PNPLA2: variants seen among roughly 807,000 people sequenced by gnomAD.
PNPLA2 encodes patatin-like phospholipase domain-containing protein 2.
PNPLA2 carries 28 observed loss-of-function variants against 39.7 expected under a neutral mutation model. That is an observed-to-expected ratio of 0.70 (90% CI 0.52 to 0.97). The LOEUF is 0.97. PNPLA2 is among the 50% of genes least tolerant of loss of function. The pLI is 0.00. For synonymous variants in PNPLA2, 392 were observed against 321.1 expected (o/e 1.22, Z -2.36); for missense variants, 768 against 698.2 (o/e 1.10, Z -1.13).
rs1590175083 is a variant in PNPLA2 at position 821,427 on chromosome 11, G to T, written c.188-201G>T. The T allele has an allele frequency of 6.4e-6, 4 of 620,450 alleles. No homozygotes were observed. In the East Asian group the frequency reaches 8.2e-5, roughly 13 times the overall value. 38.4% of individuals were successfully genotyped at this position (620,450 alleles called of 1,614,324 possible). A position where few individuals can be genotyped will look rare whatever the true frequency, so the allele number is the denominator to read the frequency against. On this transcript the variant is annotated intron_variant, in intron 2 of 9. Transcript: ENST00000336615. ...TTGGGAAATACCAGGCAGAGGGCAG[G>T]TCCTGGTCTCAGCTGGCCAGCCTCT...
rs1280103738 is a variant in PNPLA2 at position 823,587 on chromosome 11, G to C, written c.757G>C (p.Gly253Arg). ...RDGLRFLQRN[G>R]LLNRPNPLLA... ...TGGCCTGCGCTTTCTGCAGCGGAAC[G>C]GTGCGCGGACCCGGGCGGGAGAGGG... The change falls in exon 6 of 10, where the codon GGC (glycine) becomes CGC (arginine). Residue 253 changes from glycine (G) to arginine (R), a missense_variant and splice_region_variant. By Grantham distance (125) the Gly-to-Arg change is moderately radical. Coordinates refer to ENST00000336615, the MANE Select transcript of PNPLA2 (RefSeq NM_020376.4). The C allele has an allele frequency of 6.2e-7, 1 of 1,610,374 alleles. No individual in the cohort carries two copies. Among genetic ancestry groups the C allele is most frequent in the Non-Finnish European group, 8.5e-7 (1 of 1,178,806 alleles).
At chr11:824,160 C>T (rs1325846873) in intron 8 of PNPLA2, 30 bp downstream of exon 8, 2 of 1,577,790 alleles carry the variant, frequency 1.3e-6, no homozygotes, top group Non-Finnish European at 1.7e-6. Context: ...GGGAGAGGGG[C>T]CCAGGGGACG....
At chr11:821,200 C>G (rs1280496466) in intron 2 of PNPLA2, 1 of 268,320 alleles carries the variant, frequency 3.7e-6, no homozygotes, top group African/African-American at 2.2e-5. Context: ...GAACTGGGCC[C>G]TGACTACTTC....
Position 822,498 on chromosome 11 carries a change from G to C in PNPLA2, c.588G>C (p.Gln196His). ...PFSGESDICP[Q>H]DSSTNIHELR... is the part of the protein sequence containing the mutation. ...CGGGCGAGAGTGACATCTGTCCGCAGGACAGCTCCACCAACATCCACGAGC... is the reference window on the plus strand; with the variant it reads ...CGGGCGAGAGTGACATCTGTCCGCACGACAGCTCCACCAACATCCACGAGC... The change falls in exon 5 of 10, where the codon CAG (glutamine) becomes CAC (histidine). Residue 196 changes from glutamine (Q) to histidine (H), a missense_variant. Gln to His is a conservative substitution (Grantham distance 24, BLOSUM62 0). Transcript: ENST00000336615. The C allele has an allele frequency of 6.2e-7, 1 of 1,614,088 alleles. No homozygotes were observed. Among genetic ancestry groups the C allele is most frequent in the Non-Finnish European group, 8.5e-7 (1 of 1,179,998 alleles).
chr11:823,728 G>GGCCCCCCC lies in PNPLA2; in HGVS notation c.792_793insGCCCCCCC (p.Pro265AlafsTer58). ...ACCGGCCCAACCCCTTGCTGGCGTT[G>GGCCCCCCC]CCCCCCGCCCGCCCCCACGGCCCAG... On this transcript the variant is annotated frameshift_variant, in exon 7 of 10. Coordinates refer to ENST00000336615, the MANE Select transcript of PNPLA2 (RefSeq NM_020376.4). LOFTEE classifies it high-confidence loss of function. 5 of 1,597,120 alleles carry GGCCCCCCC rather than the reference G, an allele frequency of 3.1e-6. No individual in the cohort carries two copies. Among genetic ancestry groups the GGCCCCCCC allele is most frequent in the Non-Finnish European group, 4.3e-6 (5 of 1,168,704 alleles).
Position 821,818 on chromosome 11 carries a change from T to C in PNPLA2, c.378T>C (p.Asn126=), listed in dbSNP as rs1386170962. The change falls in exon 3 of 10, where the codon AAT becomes AAC. Residue 126 remains asparagine, a synonymous_variant. Coordinates refer to ENST00000336615, the MANE Select transcript of PNPLA2 (RefSeq NM_020376.4). ...ISLTRVSDGE[N]VIISHFNSKD... ...TGACCCGCGTGTCAGACGGCGAGAA[T>C]GTCATTATATCCCACTTCAACTCCA... The C allele has an allele frequency of 6.2e-7, 1 of 1,613,872 alleles. No individual in the cohort carries two copies. Among genetic ancestry groups the C allele is most frequent in the Non-Finnish European group, 8.5e-7 (1 of 1,180,004 alleles).
At chr11:823,223 A>G (rs1280437352) in intron 5 of PNPLA2, among the ~76,000 whole-genome samples, 3 of 151,548 alleles carry the variant, frequency 2.0e-5, no homozygotes. Context: ...ACGCCTGGCT[A>G]ATTTTTTGTA....
In PNPLA2 at chr11:824,812, A is replaced by G. The variant is rs2133852474; in HGVS notation, c.1465A>G (p.Ser489Gly). The change falls in exon 10 of 10, where the codon AGC becomes GGC. Residue 489 changes from serine to glycine, a missense_variant. Physicochemically the swap from Ser to Gly is moderately conservative, Grantham distance 56. Transcript: ENST00000336615. Reference protein sequence around the residue: ...HQLAGPAPLLSTPAPEARPVI... With the variant: ...HQLAGPAPLLGTPAPEARPVI... ...GCTGGCCGGGCCTGCCCCCTTGCTG[A>G]GCACCCCTGCTCCCGAGGCCCGGCC... 2 of 1,534,334 alleles carry G rather than the reference A, an allele frequency of 1.3e-6. No individual in the cohort carries two copies. The highest frequency in any genetic ancestry group is 2.4e-5 in the South Asian group (2 of 84,008).
intron 2 of PNPLA2, among the ~76,000 whole-genome samples, chr11:820,363 C>T (rs767256018): frequency 1.5e-4 from 23 of 152,182 alleles, no homozygotes; most frequent in Non-Finnish European, 2.8e-4. Flanking sequence ...GAACCGTGAC[C>T]TGGTCCTTCC....
Position 819,573 on chromosome 11 carries a change from G to T in PNPLA2, c.-145-1G>T. On this transcript the variant is annotated splice_acceptor_variant, in intron 1 of 9. Coordinates refer to ENST00000336615, the MANE Select transcript of PNPLA2 (RefSeq NM_020376.4). LOFTEE classifies it low-confidence loss of function (5UTR_SPLICE). Reference sequence around the variant, plus strand: ...GCGCCGCCTCCGCGCCGCCCGCGTAGCTTCTTCGCCTCCGCCAGCGGGGAC... The same window carrying T: ...GCGCCGCCTCCGCGCCGCCCGCGTATCTTCTTCGCCTCCGCCAGCGGGGAC... 1 of 1,288,896 alleles carries T rather than the reference G, an allele frequency of 7.8e-7. No homozygotes were observed. The highest frequency in any genetic ancestry group is 9.9e-7 in the Non-Finnish European group (1 of 1,014,104). The allele number at this position is 1,288,896 out of a possible 1,614,324, so 79.8% of individuals were successfully genotyped here. A position where few individuals can be genotyped will look rare whatever the true frequency, so the allele number is the denominator to read the frequency against.
chr11:819,083 G>C (rs139966633), intron 1 of PNPLA2, 125 bp downstream of exon 1: 160 of 152,610 alleles, frequency 1.0e-3, no homozygotes, highest in South Asian at 9.2e-3. Flanking sequence ...TCCGGCCTTG[G>C]CCTTGGATGT....
chr11:819,398 CT>C lies in PNPLA2; in HGVS notation c.-145-173del, dbSNP rs1387724672. On this transcript the variant is annotated intron_variant, in intron 1 of 9. Transcript: ENST00000336615. ...AGCAGGGGCGGAGGGAGGGCAGAAG[CT>C]TTCTCCGGGCGGCAGCGGAGGGCGG... The C allele has an allele frequency of 3.1e-6, 3 of 977,942 alleles. No individual in the cohort carries two copies. In the African/African-American group the frequency reaches 5.3e-5, roughly 17 times the overall value. The allele number at this position is 977,942 out of a possible 1,614,324, so 60.6% of individuals were successfully genotyped here. A position where few individuals can be genotyped will look rare whatever the true frequency, so the allele number is the denominator to read the frequency against.
At chr11:819,246 G>A (rs1324941171) in intron 1 of PNPLA2, 3 of 189,666 alleles carry the variant, frequency 1.6e-5, no homozygotes, top group Admixed American at 6.5e-5. Flanking sequence ...GGGGAGGGGC[G>A]GTGGCTGCCC....
In PNPLA2 at chr11:819,776, G is replaced by A; in HGVS notation, c.58G>A (p.Val20Ile). ...ISFAGCGFLGVYYVGVASCLR... is the reference protein window; with the variant it reads ...ISFAGCGFLGIYYVGVASCLR... ...GTTCGCGGGCTGCGGCTTCCTCGGC[G>A]TCTACTACGTCGGCGTGGCCTCCTG... Residue 20 changes from valine to isoleucine, a missense_variant, in exon 2 of 10, where the codon GTC (valine) becomes ATC (isoleucine). Coordinates refer to ENST00000336615, the MANE Select transcript of PNPLA2 (RefSeq NM_020376.4). The A allele has an allele frequency of 6.6e-7, 1 of 1,516,568 alleles. No individual in the cohort carries two copies. The highest frequency in any genetic ancestry group is 8.8e-7 in the Non-Finnish European group (1 of 1,132,980). 93.9% of individuals were successfully genotyped at this position (1,516,568 alleles called of 1,614,324 possible). A position where few individuals can be genotyped will look rare whatever the true frequency, so the allele number is the denominator to read the frequency against.
chr11:821,861 GTGGGGCC>G lies in PNPLA2; in HGVS notation c.420+5_420+11del. ...CAACTCCAAGGACGAGCTCATCCAGGTGGGGCCTGGTGGAGCCATGCTGGGTGGCGGT... is the reference window on the plus strand; with the variant it reads ...CAACTCCAAGGACGAGCTCATCCAGGTGGTGGAGCCATGCTGGGTGGCGGT... On this transcript the variant is annotated splice_donor_variant and splice_donor_5th_base_variant and intron_variant, in intron 3 of 9. Coordinates refer to ENST00000336615, the MANE Select transcript of PNPLA2 (RefSeq NM_020376.4). LOFTEE classifies it high-confidence loss of function. 1.2e-6 allele frequency: 2 copies of G among 1,613,404 alleles called. No homozygotes were observed. The highest frequency in any genetic ancestry group is 1.7e-6 in the Non-Finnish European group (2 of 1,179,546).
chr11:819,980 C>A, intron 2 of PNPLA2, 75 bp downstream of exon 2: 2 of 1,157,980 alleles, frequency 1.7e-6, no homozygotes. Flanking sequence ...TCTCCGTGAG[C>A]GGAGGGGCCC....
chr11:823,647 C>G (rs748673451), intron 6 of PNPLA2, 47 bp from the exon 7 acceptor site: 1 of 1,599,628 alleles, frequency 6.3e-7, no homozygotes, highest in South Asian at 1.1e-5. Context: ...CCCTGCGGGC[C>G]GCGGCCGCGC....
At chr11:819,401 T>C (rs1845591706) in intron 1 of PNPLA2, 173 bp from the exon 2 acceptor site, 1 of 978,136 alleles carries the variant, frequency 1.0e-6, no homozygotes, top group Non-Finnish European at 1.2e-6. Flanking sequence ...GCAGAAGCTT[T>C]CTCCGGGCGG....
At position 819,874 on chromosome 11, in the gene PNPLA2, G is replaced by C; in HGVS notation, c.156G>C (p.Thr52=). Residue 52 remains threonine, a synonymous_variant, in exon 2 of 10, where the codon ACG becomes ACC. Transcript: ENST00000336615. The part of the protein sequence containing the change: ...HIYGASAGAL[T]ATALVTGVCL... Reference sequence around the variant, plus strand: ...ACGGCGCCTCGGCCGGGGCGCTCACGGCCACGGCGCTGGTCACCGGGGTCT... The same window carrying C: ...ACGGCGCCTCGGCCGGGGCGCTCACCGCCACGGCGCTGGTCACCGGGGTCT... The C allele has an allele frequency of 6.9e-7, 1 of 1,456,074 alleles. No homozygotes were observed. The highest frequency in any genetic ancestry group is 9.1e-7 in the Non-Finnish European group (1 of 1,104,648). The allele number at this position is 1,456,074 out of a possible 1,614,324, so 90.2% of individuals were successfully genotyped here.
Sources: allele counts gnomAD v4.1 joint callset (sites outside exome capture counted in the v4.1 genomes callset), GRCh38; gene constraint gnomAD v4.1.1; transcripts MANE v1.5; gene names NCBI Gene and HGNC (gene_info 2026-07-23, HGNC 2026-07-21).